TAFA1: variants seen among roughly 807,000 people sequenced by gnomAD.
TAFA1 encodes the protein chemokine-like protein TAFA-1.
Under a neutral mutation model 18.5 loss-of-function variants are expected in TAFA1, and 4 were observed. The ratio of observed to expected loss-of-function variants is 0.22; its 90% confidence interval spans 0.11 to 0.49. TAFA1 has a LOEUF of 0.49. Among genes scored for constraint, TAFA1 ranks in the 20% least tolerant of loss-of-function variants. The probability of loss-of-function intolerance (pLI) is 0.98; values close to 1 mark genes in which losing one functional copy is unlikely to be tolerated. For missense variants in TAFA1, 147 were observed against 169.0 expected (o/e 0.87, Z 0.72); for synonymous variants, 56 against 55.2 (o/e 1.01, Z -0.06).
chr3:68,497,143 G>C (rs942506067), intron 3 of TAFA1, among the ~76,000 whole-genome samples: 3 of 152,142 alleles, frequency 2.0e-5, no homozygotes, highest in African/African-American at 7.2e-5. Flanking sequence ...AATGTCCTTG[G>C]CTAAACTATT....
intron 2 of TAFA1, among the ~76,000 whole-genome samples, chr3:68,166,835 C>T (rs2065987030): frequency 6.6e-6 from 1 of 152,004 alleles, no homozygotes; most frequent in South Asian, 2.1e-4. Context: ...CCTGAAATCC[C>T]CTTATACGCT....
chr3:68,318,142 A>G (rs1240742031), intron 2 of TAFA1, among the ~76,000 whole-genome samples: 2 of 152,178 alleles, frequency 1.3e-5, no homozygotes, highest in African/African-American at 4.8e-5. Flanking sequence ...AGTAAGATAG[A>G]AATTTACATA....
At chr3:68,460,795 A>G (rs2071761860) in intron 3 of TAFA1, among the ~76,000 whole-genome samples, 1 of 152,250 alleles carries the variant, frequency 6.6e-6, no homozygotes, top group African/African-American at 2.4e-5. Context: ...TATTTCAAAC[A>G]AGTTCCCAGG....
chr3:68,037,859 A>G lies in TAFA1; in HGVS notation c.118+31115A>G, dbSNP rs554032273. ...AGACAGGACAACAGGAAGAAAACAT[A>G]TTTTCACGGCATGCCATTTTATGCA... On this transcript the variant is annotated intron_variant, in intron 2 of 4. Coordinates refer to ENST00000478136, the MANE Select transcript of TAFA1 (RefSeq NM_213609.4). Among the ~76,000 whole-genome samples, 7 of 152,198 alleles carry G rather than the reference A, an allele frequency of 4.6e-5. No homozygotes were observed. The South Asian group carries it at 1.5e-3, about 32-fold the overall frequency.
intron 2 of TAFA1, among the ~76,000 whole-genome samples, chr3:68,284,146 T>C (rs1192277026): frequency 3.3e-5 from 5 of 152,178 alleles, no homozygotes; most frequent in African/African-American, 9.7e-5. Flanking sequence ...TCTGTGTTTT[T>C]CGTCCCTACT....
Position 68,286,899 on chromosome 3 carries a change from C to A in TAFA1, c.119-130381C>A, listed in dbSNP as rs185502817. 3.8e-4 allele frequency among the ~76,000 whole-genome samples: 58 copies of A among 152,320 alleles called. No individual in the cohort carries two copies. The East Asian group carries it at 9.5e-3, about 25-fold the overall frequency. ...AGACCACCTCAACAGGACAGCCAGG[C>A]CCCCTGACATCAAGCTGTTAACAGG... On this transcript the variant is annotated intron_variant, in intron 2 of 4. Transcript: ENST00000478136.
intron 2 of TAFA1, among the ~76,000 whole-genome samples, chr3:68,123,966 T>A (rs970354580): frequency 3.2e-4 from 46 of 145,384 alleles, no homozygotes; most frequent in Non-Finnish European, 6.0e-5. Flanking sequence ...TGTCCTTCAG[T>A]AATCTTGGGT....
At chr3:68,216,873 A>G (rs1324636347) in intron 2 of TAFA1, among the ~76,000 whole-genome samples, 4 of 152,142 alleles carry the variant, frequency 2.6e-5, no homozygotes, top group Admixed American at 2.6e-4. Flanking sequence ...ATTATAAGCC[A>G]AAGTACAAAA....
intron 4 of TAFA1, among the ~76,000 whole-genome samples, chr3:68,539,686 CATGGG>C (rs1427307328): frequency 2.2e-3 from 2 of 912 alleles, no homozygotes; most frequent in Non-Finnish European, 4.8e-3. Context: ...TGTGGGGGGG[CATGGG>C]GTGGGTGGGT....
intron 2 of TAFA1, among the ~76,000 whole-genome samples, chr3:68,279,728 T>C (rs1559596886): frequency 1.3e-5 from 2 of 152,206 alleles, no homozygotes; most frequent in Non-Finnish European, 2.9e-5. Context: ...CTATGTAATA[T>C]TAAGTCATAA....
intron 3 of TAFA1, chr3:68,417,677 G>T: frequency 2.3e-6 from 1 of 435,544 alleles, no homozygotes; most frequent in South Asian, 2.9e-5. Flanking sequence ...TTTGAGAGGT[G>T]ACTGGGCTGT....
Position 68,436,108 on chromosome 3 carries a change from TTCTGGC to T in TAFA1, c.259+18692_259+18697del, listed in dbSNP as rs781312309. On this transcript the variant is annotated intron_variant, in intron 3 of 4. Coordinates refer to ENST00000478136, the MANE Select transcript of TAFA1 (RefSeq NM_213609.4). ...GGGAATAAGGTAGAATGGATTGAAA[TTCTGGC>T]TCTTGCTGAAAACAAAATTATTTCT... is the stretch of plus-strand genomic sequence containing the variant. Among the ~76,000 whole-genome samples, 83 of 152,110 alleles carry T rather than the reference TTCTGGC, an allele frequency of 5.5e-4. 1 individual carries two copies. Among genetic ancestry groups the T allele is most frequent in the Non-Finnish European group, 1.6e-4 (11 of 68,030 alleles).
Position 68,081,791 on chromosome 3 carries a change from G to A in TAFA1, c.118+75047G>A, listed in dbSNP as rs186134896. Among the ~76,000 whole-genome samples, 109 of 152,318 alleles carry A rather than the reference G, an allele frequency of 7.2e-4. 1 individual carries two copies. Among genetic ancestry groups the A allele is most frequent in the African/African-American group, 2.4e-3 (100 of 41,576 alleles). ...GTTTGTCTTTGCCCTGCCCCTAGAG[G>A]TGGAGCCTACAGAGGCAGGCAGGCC... On this transcript the variant is annotated intron_variant, in intron 2 of 4. Coordinates refer to ENST00000478136, the MANE Select transcript of TAFA1 (RefSeq NM_213609.4).
At chr3:68,029,175 G>A (rs750960283) in intron 2 of TAFA1, among the ~76,000 whole-genome samples, 5 of 151,960 alleles carry the variant, frequency 3.3e-5, no homozygotes, top group Non-Finnish European at 7.4e-5. Flanking sequence ...ATATTCACTT[G>A]TTTACCATAT....
intron 2 of TAFA1, among the ~76,000 whole-genome samples, chr3:68,338,788 G>GTA (rs767939349): frequency 5.9e-5 from 9 of 152,198 alleles, no homozygotes; most frequent in Non-Finnish European, 1.0e-4. Context: ...CCATACTGCT[G>GTA]TATAACAAGT....
upstream of TAFA1, among the ~76,000 whole-genome samples, chr3:67,999,739 T>C (rs1372200274): frequency 6.6e-6 from 1 of 151,998 alleles, no homozygotes; most frequent in Non-Finnish European, 1.5e-5. Context: ...TTCCTTTACT[T>C]AGTGTCATTG....
intron 2 of TAFA1, among the ~76,000 whole-genome samples, chr3:68,106,876 T>A (rs1359265458): frequency 6.6e-6 from 1 of 152,072 alleles, no homozygotes; most frequent in East Asian, 1.9e-4. Context: ...CTGCAAGATA[T>A]AACATTATAC....
At position 68,188,936 on chromosome 3, in the gene TAFA1, C is replaced by T. The variant is rs140287757; in HGVS notation, c.118+182192C>T. ...GCCAGGTGTGCACTTTGAATGGGGA[C>T]GACTTGTGACCATGCTTGTGTCTTC... On this transcript the variant is annotated intron_variant, in intron 2 of 4. Coordinates refer to ENST00000478136, the MANE Select transcript of TAFA1 (RefSeq NM_213609.4). 2.7e-3 allele frequency among the ~76,000 whole-genome samples: 406 copies of T among 151,846 alleles called. 2 individuals are homozygous for T. The highest frequency in any genetic ancestry group is 3.3e-3 in the Non-Finnish European group (225 of 67,876).
At chr3:68,183,564 C>G (rs1055013051) in intron 2 of TAFA1, among the ~76,000 whole-genome samples, 1 of 152,066 alleles carries the variant, frequency 6.6e-6, no homozygotes, top group Admixed American at 6.6e-5. Flanking sequence ...TATATCTTTT[C>G]TTATTATTTA....
Sources: allele counts gnomAD v4.1 joint callset (sites outside exome capture counted in the v4.1 genomes callset), GRCh38; gene constraint gnomAD v4.1.1; transcripts MANE v1.5; gene names NCBI Gene and HGNC (gene_info 2026-07-23, HGNC 2026-07-21).